The following KCNIP4 variants were observed in gnomAD, a reference collection of about 807,000 sequenced individuals.
KCNIP4 encodes potassium voltage-gated channel interacting protein 4, also known as Kv channel-interacting protein 4.
In KCNIP4, 12 loss-of-function variants were observed where a neutral mutation model predicts 34.0. The observed-to-expected ratio is 0.35, with a 90% CI of 0.23 to 0.57. The LOEUF (loss-of-function observed/expected upper bound fraction) is 0.57, where lower values mean the gene tolerates loss of function less well. Among genes scored for constraint, KCNIP4 ranks in the 20% least tolerant of loss-of-function variants. The pLI is 0.83. For synonymous variants in KCNIP4, 124 were observed against 102.2 expected, an observed-to-expected ratio of 1.21 and a Z score of -1.29; for missense variants, 238 against 311.7, an observed-to-expected ratio of 0.76 and a Z score of 1.78.
At chr4:21,187,730 TCTCTGCCTGCAGATCATGCA>T (rs1034325228) in intron 1 of KCNIP4, among the ~76,000 whole-genome samples, 3 of 152,128 alleles carry the variant, frequency 2.0e-5, no homozygotes, top group Admixed American at 2.0e-4. Context: ...CAGGTATTTT[TCTCTGCCTGCAGATCATGCA>T]CTCTCTATGC....
rs869204752 is a variant in KCNIP4, at chr4:21,820,285, GTATATATATATATATA to G, written c.61+128270_61+128285del. On this transcript the variant is annotated intron_variant, in intron 1 of 8. Coordinates refer to ENST00000382152, the MANE Select transcript of KCNIP4 (RefSeq NM_025221.6). ...GTATATCTTATGTATGTGTGTGTGT[GTATATATATATATATA>G]TATATATATATATATATATATATAC... Among the ~76,000 whole-genome samples the G allele has an allele frequency of 4.1e-3, 85 of 20,666 alleles. 1 individual carries two copies. The East Asian group carries it at 0.15, about 36-fold the overall frequency. The allele number at this position is 20,666 out of a possible 152,430, so 13.6% of individuals were successfully genotyped here. A position where few individuals can be genotyped will look rare whatever the true frequency, so the allele number is the denominator to read the frequency against.
At chr4:21,314,046 G>A (rs751265450) in intron 1 of KCNIP4, among the ~76,000 whole-genome samples, 4 of 152,178 alleles carry the variant, frequency 2.6e-5, no homozygotes, top group Non-Finnish European at 5.9e-5. Context: ...ATCACAGTTT[G>A]TTGAAAGGAT....
chr4:21,178,603 C>T (rs1754608812), intron 1 of KCNIP4, among the ~76,000 whole-genome samples: 1 of 146,244 alleles, frequency 6.8e-6, no homozygotes, highest in Non-Finnish European at 1.5e-5. Context: ...AAATAATAGG[C>T]ATGTGATTGG....
chr4:20,923,188 C>T (rs1729574526), intron 1 of KCNIP4, among the ~76,000 whole-genome samples: 2 of 152,158 alleles, frequency 1.3e-5, no homozygotes, highest in Admixed American at 6.5e-5. Context: ...GTCTTTGTTT[C>T]ACAGTCACAA....
At chr4:21,316,425 C>G (rs1462124785) in intron 1 of KCNIP4, 2 of 152,056 alleles carry the variant, frequency 1.3e-5, no homozygotes, top group African/African-American at 4.8e-5. Context: ...AAAGCATAAC[C>G]CTGCAACAAA....
At chr4:21,357,088 G>A (rs1718699303) in intron 1 of KCNIP4, among the ~76,000 whole-genome samples, 1 of 152,142 alleles carries the variant, frequency 6.6e-6, no homozygotes, top group Admixed American at 6.5e-5. Context: ...TTTAATAAAT[G>A]GTGCTGGGAA....
At chr4:20,735,371 G>A (rs891661715) in intron 5 of KCNIP4, among the ~76,000 whole-genome samples, 1 of 152,106 alleles carries the variant, frequency 6.6e-6, no homozygotes, top group African/African-American at 2.4e-5. Flanking sequence ...ACAATTTTAT[G>A]AGGATTAAAA....
chr4:21,646,238 C>G (rs1747004652), intron 1 of KCNIP4, among the ~76,000 whole-genome samples: 1 of 152,132 alleles, frequency 6.6e-6, no homozygotes, highest in Admixed American at 6.6e-5. Flanking sequence ...TAATATTGCT[C>G]CCAGTGAACT....
chr4:21,106,202 T>A (rs1748515368), intron 1 of KCNIP4, among the ~76,000 whole-genome samples: 1 of 146,884 alleles, frequency 6.8e-6, no homozygotes, highest in Non-Finnish European at 1.5e-5. Flanking sequence ...TCTGGTAGAA[T>A]TCGGCTGTGA....
chr4:21,285,793 AT>A (rs1287587840), intron 1 of KCNIP4, among the ~76,000 whole-genome samples: 2 of 152,178 alleles, frequency 1.3e-5, no homozygotes, highest in Non-Finnish European at 2.9e-5. Context: ...CTCAACCACG[AT>A]CATACCACTG....
At chr4:21,373,134 C>A (rs1720645477) in intron 1 of KCNIP4, among the ~76,000 whole-genome samples, 1 of 146,616 alleles carries the variant, frequency 6.8e-6, no homozygotes. Flanking sequence ...TTAGCCTGAG[C>A]AACACAGCAA....
chr4:21,828,967 G>A (rs189045302), intron 1 of KCNIP4, among the ~76,000 whole-genome samples: 1 of 151,638 alleles, frequency 6.6e-6, no homozygotes, highest in Admixed American at 6.6e-5. Context: ...ATACATATAG[G>A]GGAAAAGCAA....
At chr4:21,050,785 C>T (rs1742858416) in intron 1 of KCNIP4, among the ~76,000 whole-genome samples, 1 of 152,134 alleles carries the variant, frequency 6.6e-6, no homozygotes, top group Non-Finnish European at 1.5e-5. Flanking sequence ...TTAGGCAAAA[C>T]TATTTGATAG....
At chr4:21,210,596 C>CA (rs961075999) in intron 1 of KCNIP4, among the ~76,000 whole-genome samples, 30 of 151,628 alleles carry the variant, frequency 2.0e-4, no homozygotes, top group Non-Finnish European at 4.1e-4. Context: ...GGTGGATAAA[C>CA]AAAAAAAATC....
intron 1 of KCNIP4, among the ~76,000 whole-genome samples, chr4:21,031,155 C>T (rs1740991836): frequency 6.6e-6 from 1 of 152,216 alleles, no homozygotes; most frequent in Admixed American, 6.5e-5. Context: ...TTCCTCTCTT[C>T]CTTGTTCCCC....
chr4:21,612,839 T>C (rs1271151577), intron 1 of KCNIP4, among the ~76,000 whole-genome samples: 3 of 152,196 alleles, frequency 2.0e-5, no homozygotes, highest in Admixed American at 2.0e-4. Context: ...GTGCAAGTTA[T>C]AAGAAGCACT....
At chr4:21,860,498 G>A (rs1725008909) in intron 1 of KCNIP4, among the ~76,000 whole-genome samples, 1 of 149,912 alleles carries the variant, frequency 6.7e-6, no homozygotes. Flanking sequence ...AATTTTAAAT[G>A]TTATGACTTT....
chr4:21,057,725 A>T (rs1210545559), intron 1 of KCNIP4, among the ~76,000 whole-genome samples: 2 of 152,180 alleles, frequency 1.3e-5, no homozygotes, highest in Non-Finnish European at 2.9e-5. Context: ...TATTATTGAG[A>T]GATTGGACTG....
chr4:20,901,251 T>A (rs1727124945), intron 1 of KCNIP4, among the ~76,000 whole-genome samples: 1 of 152,252 alleles, frequency 6.6e-6, no homozygotes, highest in South Asian at 2.1e-4. Context: ...TCAATCGCGT[T>A]TAGTTGAAAC....
Sources: gnomAD v4.1 joint callset for allele counts (sites outside exome capture counted in the v4.1 genomes callset) on GRCh38, gnomAD v4.1.1 for gene constraint, MANE v1.5 for transcripts, NCBI Gene and HGNC (gene_info 2026-07-23, HGNC 2026-07-21) for gene names.